Variants in SYT7 observed in about 807,000 individuals in gnomAD.
The protein encoded by SYT7 is synaptotagmin-7.
A neutral mutation model predicts 75.1 loss-of-function variants in SYT7; 29 were observed. The observed-to-expected ratio is 0.39, with a 90% CI of 0.29 to 0.53. The LOEUF is 0.53. SYT7 is among the 20% of genes least tolerant of loss of function. SYT7 has a pLI of 0.77. For synonymous variants in SYT7, 376 were observed against 401.7 expected, an observed-to-expected ratio of 0.94 and a Z score of 0.76; for missense variants, 693 against 953.2, an observed-to-expected ratio of 0.73 and a Z score of 3.59.
At chr11:61,567,349 C>T (rs1220510402) in intron 1 of SYT7, among the ~76,000 whole-genome samples, 6 of 151,826 alleles carry the variant, frequency 4.0e-5, no homozygotes, top group East Asian at 1.9e-4. Context: ...CCCCGCCCCC[C>T]AGAGCTGTCC....
intron 6 of SYT7, chr11:61,540,408 T>TTA (rs1354716266): frequency 6.9e-6 from 5 of 727,830 alleles, no homozygotes; most frequent in Non-Finnish European, 8.4e-6. Flanking sequence ...GTTTTTACAT[T>TTA]TTTAGAGGGT....
chr11:61,582,510 C>A (rs968095421), upstream of SYT7, among the ~76,000 whole-genome samples: 1 of 151,998 alleles, frequency 6.6e-6, no homozygotes, highest in African/African-American at 2.4e-5. Context: ...CAACAACCAC[C>A]ACACACACAC....
Position 61,538,160 on chromosome 11 carries a change from C to T in SYT7, c.1048G>A (p.Ala350Thr), listed in dbSNP as rs759635239. The change falls in exon 7 of 13, where the codon GCT becomes ACT. Residue 350 changes from alanine (A) to threonine (T), a missense_variant. Transcript: ENST00000539008. ...TGCTCGTACCTCTTGTCCCCCTGAG[C>T]GTTCTGGTTCTGCTGGGTTCCTGGG... ...QNPGTQQNQNAQGDKRLPAGG... is the reference protein window; with the variant it reads ...QNPGTQQNQNTQGDKRLPAGG... The T allele has an allele frequency of 1.2e-5, 19 of 1,535,924 alleles. No individual in the cohort carries two copies. The East Asian group carries it at 1.5e-4, about 12-fold the overall frequency.
chr11:61,586,662 G>C, the SYT7 span, among the ~76,000 whole-genome samples: 11 of 152,194 alleles, frequency 7.2e-5, no homozygotes, highest in Admixed American at 2.0e-4. Context: ...TGGGGTGGGG[G>C]TCCTTCGGGT....
At chr11:61,566,734 A>G (rs1452805296) in intron 1 of SYT7, among the ~76,000 whole-genome samples, 1 of 152,184 alleles carries the variant, frequency 6.6e-6, no homozygotes, top group Non-Finnish European at 1.5e-5. Context: ...AGTTACTCCT[A>G]TGAATAATGC....
rs1326826299 is a variant in SYT7, at chr11:61,516,374, T to A, written c.*2253A>T. ...CCAGGAGATGCTCTCTGCATAGGAT[T>A]GGCTAAGAGCTCTGTGGGCGGGGCT... On this transcript the variant is annotated 3_prime_UTR_variant, in exon 13 of 13. Coordinates refer to ENST00000539008, the MANE Select transcript of SYT7 (RefSeq NM_001365809.2). The surrounding 1 kb of genome is among the most constrained non-coding windows in gnomAD (Gnocchi z 4.6). 3 of 152,142 alleles carry A rather than the reference T, an allele frequency of 2.0e-5. No individual in the cohort carries two copies. The highest frequency in any genetic ancestry group is 4.4e-5 in the Non-Finnish European group (3 of 68,014). The allele number at this position is 152,142 out of a possible 1,614,324, so 9.4% of individuals were successfully genotyped here.
rs961039886 is a variant in SYT7 at position 61,515,831 on chromosome 11, G to C, written c.*2796C>G. On this transcript the variant is annotated 3_prime_UTR_variant, in exon 13 of 13. Transcript: ENST00000539008. Reference sequence around the variant, plus strand: ...ATGAAAGGGCCTGCGACAGAGTGAAGAGACGGATGGGCCTGCGTTGGCCTC... The same window carrying C: ...ATGAAAGGGCCTGCGACAGAGTGAACAGACGGATGGGCCTGCGTTGGCCTC... The C allele has an allele frequency of 3.9e-5, 6 of 152,698 alleles. No homozygotes were observed. Among genetic ancestry groups the C allele is most frequent in the Non-Finnish European group, 8.8e-5 (6 of 68,068 alleles). 9.5% of individuals were successfully genotyped at this position (152,698 alleles called of 1,614,324 possible).
chr11:61,520,798 G>A (rs560821456), intron 12 of SYT7, among the ~76,000 whole-genome samples: 35 of 152,218 alleles, frequency 2.3e-4, no homozygotes, highest in Non-Finnish European at 4.1e-4. Flanking sequence ...ACTCCAGCCC[G>A]GGTGACAGAG....
At chr11:61,548,159 C>T (rs1404176578) in intron 3 of SYT7, among the ~76,000 whole-genome samples, 1 of 152,236 alleles carries the variant, frequency 6.6e-6, no homozygotes, top group Non-Finnish European at 1.5e-5. Flanking sequence ...TCTGACCTTG[C>T]TGAGGATGTC....
At chr11:61,570,574 C>G (rs1265770899) in intron 1 of SYT7, among the ~76,000 whole-genome samples, 1 of 152,166 alleles carries the variant, frequency 6.6e-6, no homozygotes, top group African/African-American at 2.4e-5. Context: ...GTCCACACAG[C>G]TAGCCAGAGG....
intron 7 of SYT7, among the ~76,000 whole-genome samples, chr11:61,534,756 G>A (rs372320468): frequency 1.1e-4 from 16 of 152,076 alleles, no homozygotes; most frequent in East Asian, 9.7e-4. Flanking sequence ...TCTACAACAC[G>A]GAAACGCCCA....
chr11:61,584,615 C>T (rs895736137), upstream of SYT7, among the ~76,000 whole-genome samples: 1 of 152,154 alleles, frequency 6.6e-6, no homozygotes, highest in East Asian at 1.9e-4. Flanking sequence ...GCTGGAATAT[C>T]GATGAGAGCC....
intron 3 of SYT7, 98 bp from the exon 4 acceptor site, chr11:61,547,406 C>A: frequency 7.1e-7 from 1 of 1,409,270 alleles, no homozygotes; most frequent in Non-Finnish European, 9.5e-7. Flanking sequence ...ACCCCGGGGC[C>A]GGGCACACAG....
At chr11:61,571,512 G>A (rs1048442472) in intron 1 of SYT7, among the ~76,000 whole-genome samples, 2 of 152,202 alleles carry the variant, frequency 1.3e-5, no homozygotes, top group Non-Finnish European at 2.9e-5. Context: ...GCAGTGACGT[G>A]GGCCACCACA....
the SYT7 span, among the ~76,000 whole-genome samples, chr11:61,587,155 G>C: frequency 6.6e-6 from 1 of 152,186 alleles, no homozygotes; most frequent in Non-Finnish European, 1.5e-5. Flanking sequence ...AGGCCAGTCA[G>C]CTCCAGCCTC....
rs186935535 is a variant in SYT7, at chr11:61,537,974, G to A, written c.1064+170C>T. Among the ~76,000 whole-genome samples, 11 of 152,332 alleles carry A rather than the reference G, an allele frequency of 7.2e-5. No homozygotes were observed. The South Asian group carries it at 1.0e-3, about 14-fold the overall frequency. ...GGCCTCAGACCCCAGGGACACCACC[G>A]AGGTGGCAGTGCGTGAGGGCACCGG... On this transcript the variant is annotated intron_variant, in intron 7 of 12. Transcript: ENST00000539008.
At chr11:61,569,861 A>G (rs568911116) in intron 1 of SYT7, among the ~76,000 whole-genome samples, 2 of 152,316 alleles carry the variant, frequency 1.3e-5, no homozygotes, top group South Asian at 2.1e-4. Context: ...GCTTCCCCCA[A>G]TGTCAGTGCC....
Position 61,576,205 on chromosome 11 carries a change from C to T in SYT7, c.31+4585G>A, listed in dbSNP as rs1434252317. ...TGAGACCAAAGCCCTGCCCTGCAGACACTAGTTGGACAGGGCCCAGCAGGG... is the reference window on the plus strand; with the variant it reads ...TGAGACCAAAGCCCTGCCCTGCAGATACTAGTTGGACAGGGCCCAGCAGGG... On this transcript the variant is annotated intron_variant, in intron 1 of 12. Coordinates refer to ENST00000539008, the MANE Select transcript of SYT7 (RefSeq NM_001365809.2). This position sits in a 1 kb window ranked among gnomAD's most constrained non-coding sequence, Gnocchi z 4.1. Among the ~76,000 whole-genome samples, 1 of 152,226 alleles carries T rather than the reference C, an allele frequency of 6.6e-6. No homozygotes were observed. The highest frequency in any genetic ancestry group is 1.5e-5 in the Non-Finnish European group (1 of 68,040).
chr11:61,540,926 G>A, intron 6 of SYT7: 6 of 985,490 alleles, frequency 6.1e-6, no homozygotes, highest in Non-Finnish European at 7.2e-6. Flanking sequence ...CGTCCAGTTA[G>A]ATTCCTGCAG....
Sources: allele counts gnomAD v4.1 joint callset (sites outside exome capture counted in the v4.1 genomes callset), GRCh38; gene constraint gnomAD v4.1.1; non-coding constraint Gnocchi (gnomAD v3.1); transcripts MANE v1.5; gene names NCBI Gene and HGNC (gene_info 2026-07-23, HGNC 2026-07-21).